Variants in FEZ2 observed in about 807,000 individuals in gnomAD.
FEZ2 encodes the protein fasciculation and elongation protein zeta-2.
Under a neutral mutation model 40.4 loss-of-function variants are expected in FEZ2, and 51 were observed. That is an observed-to-expected ratio of 1.26 (90% CI 1.01 to 1.59). The LOEUF is 1.59. FEZ2 is among the 40% of genes most tolerant of loss of function. The pLI, the probability that FEZ2 is intolerant of heterozygous loss-of-function variation, is 0.00. For synonymous variants in FEZ2, 242 were observed against 172.0 expected, an observed-to-expected ratio of 1.41 and a Z score of -3.18; for missense variants, 640 against 438.3, an observed-to-expected ratio of 1.46 and a Z score of -4.11.
intron 7 of FEZ2, chr2:36,554,169 C>G: frequency 2.1e-6 from 1 of 470,806 alleles, no homozygotes; most frequent in South Asian, 1.6e-5. Flanking sequence ...ACTGGGCTTA[C>G]AGACAGGAGC....
At chr2:36,593,712 T>C (rs560825342) in intron 1 of FEZ2, among the ~76,000 whole-genome samples, 160 of 152,174 alleles carry the variant, frequency 1.1e-3, no homozygotes, top group African/African-American at 3.8e-3. Flanking sequence ...AGGCCTGTGA[T>C]GGGAGGAGCT....
At chr2:36,580,447 A>G (rs905394618) in intron 4 of FEZ2, among the ~76,000 whole-genome samples, 26 of 152,260 alleles carry the variant, frequency 1.7e-4, no homozygotes, top group African/African-American at 5.8e-4. Flanking sequence ...GGAAGGGACC[A>G]GTCATATGGC....
At chr2:36,592,903 G>A (rs1669110895) in intron 1 of FEZ2, among the ~76,000 whole-genome samples, 3 of 152,228 alleles carry the variant, frequency 2.0e-5, no homozygotes, top group Non-Finnish European at 2.9e-5. Flanking sequence ...CATCTACCCA[G>A]CAAAGCTCCC....
In FEZ2 at chr2:36,587,428, G is replaced by C. The variant is rs144894857; in HGVS notation, c.375+3475C>G. Among the ~76,000 whole-genome samples, 245 of 152,316 alleles carry C rather than the reference G, an allele frequency of 1.6e-3. 2 individuals are homozygous for C. The highest frequency in any genetic ancestry group is 5.5e-3 in the African/African-American group (228 of 41,550). ...CCTTCCAATGCCAGGGTTAGATACA[G>C]ACCTGGTGGTACTGTTTCCCTGTAT... is the stretch of plus-strand genomic sequence containing the variant. On this transcript the variant is annotated intron_variant, in intron 2 of 7. Transcript: ENST00000405912.
chr2:36,588,261 T>C (rs1328142270), intron 2 of FEZ2, among the ~76,000 whole-genome samples: 3 of 151,994 alleles, frequency 2.0e-5, no homozygotes, highest in African/African-American at 4.8e-5. Context: ...CTCCTGACCT[T>C]AGGTGATCCA....
intron 5 of FEZ2, among the ~76,000 whole-genome samples, chr2:36,563,573 C>T (rs532202312): frequency 2.6e-5 from 4 of 151,436 alleles, no homozygotes; most frequent in Non-Finnish European, 4.4e-5. Flanking sequence ...TCCTATCAAA[C>T]GCTTCAGTTG....
intron 2 of FEZ2, among the ~76,000 whole-genome samples, chr2:36,586,337 T>G (rs571187671): frequency 1.3e-4 from 20 of 152,204 alleles, no homozygotes; most frequent in Non-Finnish European, 2.8e-4. Context: ...AAAGTTTTAA[T>G]TTTAAAATTA....
intron 4 of FEZ2, among the ~76,000 whole-genome samples, chr2:36,580,093 C>G (rs560245738): frequency 7.6e-4 from 116 of 152,354 alleles, no homozygotes; most frequent in Non-Finnish European, 1.3e-3. Flanking sequence ...TCTCAGACTT[C>G]TGGCCTCCAG....
Position 36,573,346 on chromosome 2 carries a change from G to A in FEZ2, c.903+5251C>T, listed in dbSNP as rs540686707. On this transcript the variant is annotated intron_variant, in intron 5 of 7. Transcript: ENST00000405912. Reference sequence around the variant, plus strand: ...AACTGCAGATAACACTAGATGAACAGCAACTACTAAATTACAACATAACCT... The same window carrying A: ...AACTGCAGATAACACTAGATGAACAACAACTACTAAATTACAACATAACCT... Among the ~76,000 whole-genome samples, 9 of 152,270 alleles carry A rather than the reference G, an allele frequency of 5.9e-5. No homozygotes were observed. In the East Asian group the frequency reaches 1.7e-3, roughly 29 times the overall value.
At chr2:36,558,775 C>T (rs72789258) in intron 5 of FEZ2, 55 of 270,632 alleles carry the variant, frequency 2.0e-4, no homozygotes, top group Non-Finnish European at 3.8e-4. Flanking sequence ...TTGAAAATTT[C>T]ATAGGACTAA....
At chr2:36,572,518 A>T (rs1668447443) in intron 5 of FEZ2, among the ~76,000 whole-genome samples, 1 of 152,204 alleles carries the variant, frequency 6.6e-6, no homozygotes, top group South Asian at 2.1e-4. Flanking sequence ...GCCAGGCATT[A>T]ATTATTTTAG....
In FEZ2 at chr2:36,552,271, A is replaced by C. The variant is rs1667831022; in HGVS notation, c.*892T>G. The C allele has an allele frequency of 4.5e-6, 2 of 449,028 alleles. No individual in the cohort carries two copies. Among genetic ancestry groups the C allele is most frequent in the African/African-American group, 2.1e-5 (1 of 48,698 alleles). The allele number at this position is 449,028 out of a possible 1,614,324, so 27.8% of individuals were successfully genotyped here. On this transcript the variant is annotated 3_prime_UTR_variant, in exon 8 of 8. Transcript: ENST00000405912. ...CTCAAACATGTATTTTTACTTCTTAAAAAATTTATTAAATGCCATTGATTT... is the reference window on the plus strand; with the variant it reads ...CTCAAACATGTATTTTTACTTCTTACAAAATTTATTAAATGCCATTGATTT...
At chr2:36,560,138 C>T (rs1042353350) in intron 5 of FEZ2, among the ~76,000 whole-genome samples, 4 of 152,086 alleles carry the variant, frequency 2.6e-5, no homozygotes, top group South Asian at 2.1e-4. Flanking sequence ...TGAATGTTTC[C>T]CATGTTCATG....
intron 5 of FEZ2, among the ~76,000 whole-genome samples, chr2:36,564,733 A>G (rs887254845): frequency 1.3e-5 from 2 of 152,082 alleles, no homozygotes; most frequent in African/African-American, 4.8e-5. Flanking sequence ...AGATCTTCTC[A>G]GAGAACAAAA....
At chr2:36,597,207 T>C (rs1164332728) in intron 1 of FEZ2, among the ~76,000 whole-genome samples, 1 of 152,124 alleles carries the variant, frequency 6.6e-6, no homozygotes, top group Non-Finnish European at 1.5e-5. Flanking sequence ...TTGGTACTTA[T>C]GCACAGGCAA....
At chr2:36,571,015 C>T (rs12615583) in intron 5 of FEZ2, among the ~76,000 whole-genome samples, 8,959 of 152,202 alleles carry the variant, frequency 0.059, 879 homozygotes, top group East Asian at 0.44. Flanking sequence ...ACTACATTAA[C>T]TGATGGATCA....
chr2:36,572,448 G>A (rs1051736895), intron 5 of FEZ2, among the ~76,000 whole-genome samples: 3 of 152,088 alleles, frequency 2.0e-5, no homozygotes, highest in Admixed American at 2.0e-4. Context: ...ATAACTTTTT[G>A]TTCTACTTTT....
At chr2:36,560,678 C>T in intron 5 of FEZ2, 2 of 614,702 alleles carry the variant, frequency 3.3e-6, no homozygotes, top group East Asian at 2.9e-5. Flanking sequence ...TTATTTCTCT[C>T]GTTAAGCAAT....
intron 5 of FEZ2, among the ~76,000 whole-genome samples, chr2:36,570,947 T>G (rs1467450702): frequency 6.6e-6 from 1 of 152,218 alleles, no homozygotes; most frequent in Non-Finnish European, 1.5e-5. Flanking sequence ...TGAACTTGTT[T>G]ATATTAACAA....
Sources: gnomAD v4.1 joint callset for allele counts (sites outside exome capture counted in the v4.1 genomes callset) on GRCh38, gnomAD v4.1.1 for gene constraint, MANE v1.5 for transcripts, NCBI Gene and HGNC (gene_info 2026-07-23, HGNC 2026-07-21) for gene names.